Variants in HDAC8 observed in about 807,000 individuals in gnomAD.
The protein encoded by HDAC8 is histone deacetylase 8.
A neutral mutation model predicts 32.2 loss-of-function variants in HDAC8; 1 was observed. That is an observed-to-expected ratio of 0.03 (90% CI 0.01 to 0.15). The LOEUF (loss-of-function observed/expected upper bound fraction) is 0.15. HDAC8 is among the 10% of genes least tolerant of loss of function. The pLI, the probability that HDAC8 is intolerant of heterozygous loss-of-function variation, is 1.00. For missense variants in HDAC8, 117 were observed against 300.0 expected (o/e 0.39, Z 4.51); for synonymous variants, 108 against 113.9 (o/e 0.95, Z 0.33).
rs782646243 is a variant in HDAC8 at position 72,524,891 on chromosome X, T to C, written c.438-29623A>G. Among the ~76,000 whole-genome samples, 13 of 111,620 alleles carry C rather than the reference T, an allele frequency of 1.2e-4. 1 individual carries two copies. The highest frequency in any genetic ancestry group is 8.4e-3 in the Middle Eastern group (2 of 239). On this transcript the variant is annotated intron_variant, in intron 4 of 10. Transcript: ENST00000373573. Reference sequence around the variant, plus strand: ...GTTCTGAACTCTCTCATAACACTAATACATGATACATTATACCACCAGCCC... The same window carrying C: ...GTTCTGAACTCTCTCATAACACTAACACATGATACATTATACCACCAGCCC...
intron 9 of HDAC8, among the ~76,000 whole-genome samples, chrX:72,367,367 C>T (rs1602597490): frequency 1.8e-5 from 2 of 112,188 alleles, no homozygotes; most frequent in Non-Finnish European, 3.8e-5. Context: ...GATCAGGGGC[C>T]TGGTTTCCAC....
chrX:72,475,762 C>T (rs2048315958), intron 7 of HDAC8, among the ~76,000 whole-genome samples: 1 of 106,461 alleles, frequency 9.4e-6, no homozygotes, highest in African/African-American at 3.8e-5. Flanking sequence ...CTTCTAAAAA[C>T]ATGAAAGAAA....
intron 10 of HDAC8, among the ~76,000 whole-genome samples, chrX:72,348,281 T>C (rs782723381): frequency 8.9e-6 from 1 of 112,073 alleles, no homozygotes; most frequent in Admixed American, 9.4e-5. Flanking sequence ...TTGTTTTTCA[T>C]GGGGTGAGGG....
chrX:72,358,230 T>C (rs1402280089), intron 9 of HDAC8, among the ~76,000 whole-genome samples: 2 of 111,484 alleles, frequency 1.8e-5, no homozygotes, highest in African/African-American at 6.5e-5. Context: ...CAGGATTTCA[T>C]GGATAGATTT....
intron 9 of HDAC8, among the ~76,000 whole-genome samples, chrX:72,442,753 G>A (rs1405172961): frequency 2.7e-5 from 3 of 111,948 alleles, no homozygotes; most frequent in Non-Finnish European, 3.8e-5. Context: ...ATTGGATAAA[G>A]AATCAAGACC....
chrX:72,397,619 A>G (rs1054297519), intron 9 of HDAC8, among the ~76,000 whole-genome samples: 4 of 111,710 alleles, frequency 3.6e-5, no homozygotes. Flanking sequence ...CCTTTCTCCC[A>G]GAGGAAGCCA....
chrX:72,546,757 A>G (rs1289651153), intron 4 of HDAC8, among the ~76,000 whole-genome samples: 1 of 111,094 alleles, frequency 9.0e-6, no homozygotes, highest in Non-Finnish European at 1.9e-5. Flanking sequence ...GCCACTGGAC[A>G]GGCACTTCAT....
intron 8 of HDAC8, among the ~76,000 whole-genome samples, chrX:72,464,042 C>A (rs139584822): frequency 2.7e-5 from 3 of 111,818 alleles, no homozygotes; most frequent in African/African-American, 9.7e-5. Context: ...GGCAAGAATG[C>A]CCAAGAGACT....
chrX:72,491,138 G>A (rs1238580976), intron 5 of HDAC8, 132 bp from the exon 6 acceptor site: 4 of 434,844 alleles, frequency 9.2e-6, no homozygotes, highest in African/African-American at 5.0e-5. Context: ...AACAAGCTGA[G>A]GAATAAAAGT....
At position 72,464,641 on chromosome X, in the gene HDAC8, G is replaced by A; in HGVS notation, c.828C>T (p.Ser276=). 1 of 1,202,316 alleles carries A rather than the reference G, an allele frequency of 8.3e-7. No individual in the cohort carries two copies. The change falls in exon 8 of 11, where the codon TCC becomes TCT. Residue 276 remains serine (S), a synonymous_variant. Transcript: ENST00000373573. ...ADTIAGDPMC[S]FNMTPVGIGK... ...CAATTCCCACTGGAGTCATGTTAAAGGAGCACATGGGATCCCCAGCTATTG... is the reference window on the plus strand; with the variant it reads ...CAATTCCCACTGGAGTCATGTTAAAAGAGCACATGGGATCCCCAGCTATTG...
At chrX:72,444,560 C>G (rs1555983708) in intron 9 of HDAC8, among the ~76,000 whole-genome samples, 1 of 103,543 alleles carries the variant, frequency 9.7e-6, no homozygotes, top group African/African-American at 3.5e-5. Flanking sequence ...CTATCTATGA[C>G]AAACCCACAG....
At chrX:72,474,688 A>C (rs1555999598) in intron 7 of HDAC8, 1 of 1,205,883 alleles carries the variant, frequency 8.3e-7, no homozygotes, top group Non-Finnish European at 1.1e-6. Context: ...AAGCTGCGGC[A>C]GCTGCTTCTA....
intron 9 of HDAC8, among the ~76,000 whole-genome samples, chrX:72,454,279 C>T (rs1177770577): frequency 1.8e-5 from 2 of 111,631 alleles, no homozygotes; most frequent in African/African-American, 6.5e-5. Context: ...ACCCTGGTGG[C>T]AGACAGGAAA....
intron 7 of HDAC8, among the ~76,000 whole-genome samples, chrX:72,487,950 A>C (rs948345855): frequency 5.4e-5 from 6 of 110,110 alleles, no homozygotes; most frequent in African/African-American, 1.7e-4. Flanking sequence ...AAAAAAAAAA[A>C]AAGTTTTTTC....
chrX:72,556,092 A>G (rs1273069445), intron 4 of HDAC8, among the ~76,000 whole-genome samples: 2 of 111,883 alleles, frequency 1.8e-5, no homozygotes, highest in Non-Finnish European at 3.8e-5. Context: ...TTGGGGTCCT[A>G]TTTTTAGCCT....
chrX:72,436,841 T>G (rs1488635458), intron 9 of HDAC8, among the ~76,000 whole-genome samples: 1 of 111,999 alleles, frequency 8.9e-6, no homozygotes, highest in African/African-American at 3.2e-5. Context: ...AGGTAAGGTT[T>G]CTTTACTCAA....
Position 72,557,021 on chromosome X carries a change from C to T in HDAC8, c.437+10868G>A, listed in dbSNP as rs782551021. Among the ~76,000 whole-genome samples the T allele has an allele frequency of 2.7e-5, 3 of 111,674 alleles. No individual in the cohort carries two copies. In the South Asian group the frequency reaches 1.1e-3, roughly 43 times the overall value. On this transcript the variant is annotated intron_variant, in intron 4 of 10. Coordinates refer to ENST00000373573, the MANE Select transcript of HDAC8 (RefSeq NM_018486.3). ...CATGAGGTCAGGAGATCCAGACCAT[C>T]CTGGCTAACATGGTAAAACCCCGTC...
At chrX:72,464,076 C>T (rs1555992898) in intron 8 of HDAC8, among the ~76,000 whole-genome samples, 1 of 111,953 alleles carries the variant, frequency 8.9e-6, no homozygotes, top group African/African-American at 3.2e-5. Flanking sequence ...TTTTGCTTCA[C>T]TGTAACAAAT....
intron 9 of HDAC8, among the ~76,000 whole-genome samples, chrX:72,392,281 A>C (rs2045632414): frequency 8.9e-6 from 1 of 111,982 alleles, no homozygotes; most frequent in Admixed American, 9.5e-5. Context: ...CTGCCAGCTT[A>C]CCAGGTGGCA....
Sources: gnomAD v4.1 joint callset for allele counts (sites outside exome capture counted in the v4.1 genomes callset) on GRCh38, gnomAD v4.1.1 for gene constraint, MANE v1.5 for transcripts, NCBI Gene and HGNC (gene_info 2026-07-23, HGNC 2026-07-21) for gene names.